KANSL1: variants seen among roughly 807,000 people sequenced by gnomAD.
KANSL1 encodes the protein MLL1/MLL complex subunit KANSL1.
In KANSL1, 22 loss-of-function variants were observed where a neutral mutation model predicts 103.6. The ratio of observed to expected loss-of-function variants is 0.21; its 90% confidence interval spans 0.15 to 0.30. The LOEUF (loss-of-function observed/expected upper bound fraction) is 0.30. Among genes scored for constraint, KANSL1 ranks in the 10% least tolerant of loss-of-function variants. KANSL1 has a pLI of 1.00. For synonymous variants in KANSL1, 600 were observed against 527.6 expected (o/e 1.14, Z -1.88); for missense variants, 1,337 against 1,399.8 (o/e 0.96, Z 0.72).
At chr17:46,172,394 T>C (rs899685507) in intron 1 of KANSL1, among the ~76,000 whole-genome samples, 162 bp from the exon 2 acceptor site, 3 of 152,136 alleles carry the variant, frequency 2.0e-5, no homozygotes, top group African/African-American at 7.2e-5. Context: ...CCAAATATCT[T>C]TCATCTGGGA....
intron 3 of KANSL1, among the ~76,000 whole-genome samples, chr17:46,092,087 G>A (rs1286138153): frequency 6.6e-6 from 1 of 152,088 alleles, no homozygotes; most frequent in Non-Finnish European, 1.5e-5. Context: ...CCCATGCCTC[G>A]GCCTCCCAAA....
intron 1 of KANSL1, among the ~76,000 whole-genome samples, chr17:46,177,455 T>C (rs1040209688): frequency 2.6e-5 from 4 of 152,210 alleles, no homozygotes; most frequent in Non-Finnish European, 5.9e-5. Context: ...GAAAACTGAA[T>C]GCCAAAAACT....
At chr17:46,165,153 A>T (rs2045931206) in intron 2 of KANSL1, among the ~76,000 whole-genome samples, 1 of 152,236 alleles carries the variant, frequency 6.6e-6, no homozygotes, top group South Asian at 2.1e-4. Flanking sequence ...AAAAATGACA[A>T]AGCAATTTGA....
intron 4 of KANSL1, among the ~76,000 whole-genome samples, chr17:46,068,601 C>T (rs1453318107): frequency 3.3e-5 from 5 of 152,032 alleles, no homozygotes; most frequent in Non-Finnish European, 7.4e-5. Context: ...CACACACACA[C>T]ATTTTTCCCT....
At chr17:46,039,543 G>GCATCCAAGACAAGCAGAAGCAGT (rs2077251239) in intron 8 of KANSL1, 159 bp downstream of exon 8, 1 of 773,102 alleles carries the variant, frequency 1.3e-6, no homozygotes, top group Non-Finnish European at 2.0e-6. Context: ...CCATCTGAGA[G>GCATCCAAGACAAGCAGAAGCAGT]CATCCAAGAC....
At chr17:46,055,226 A>G (rs62063687) in intron 6 of KANSL1, among the ~76,000 whole-genome samples, 21,761 of 151,734 alleles carry the variant, frequency 0.14, 2,130 homozygotes, top group Non-Finnish European at 0.22. Context: ...CACTTTGGGA[A>G]GCCAAGGCAG....
intron 2 of KANSL1, among the ~76,000 whole-genome samples, chr17:46,109,227 T>C (rs77635460): frequency 0.14 from 21,692 of 152,004 alleles, 2,119 homozygotes; most frequent in Non-Finnish European, 0.22. Context: ...GGATTACAGG[T>C]GTGAGCCACT....
chr17:46,222,677 T>C (rs977897759), intron 1 of KANSL1: 3 of 152,242 alleles, frequency 2.0e-5, no homozygotes, highest in African/African-American at 7.2e-5. Flanking sequence ...CACTGCACTA[T>C]TGTCTGATTT....
chr17:46,221,163 G>A (rs2048523418), intron 1 of KANSL1: 1 of 151,346 alleles, frequency 6.6e-6, no homozygotes. Flanking sequence ...ATTAAATTAT[G>A]TTTTAATTCT....
intron 4 of KANSL1, among the ~76,000 whole-genome samples, chr17:46,071,820 G>A (rs1226119307): frequency 6.6e-6 from 1 of 151,462 alleles, no homozygotes; most frequent in Admixed American, 6.6e-5. Flanking sequence ...TGAACTCAGG[G>A]TTTATGCATC....
chr17:46,186,773 G>A (rs1439923329), intron 1 of KANSL1, among the ~76,000 whole-genome samples: 1 of 152,218 alleles, frequency 6.6e-6, no homozygotes, highest in African/African-American at 2.4e-5. Flanking sequence ...CTGTCGCCCA[G>A]GCTGGAGTGC....
At chr17:46,064,619 G>A (rs1028754324) in intron 6 of KANSL1, among the ~76,000 whole-genome samples, 19 of 152,026 alleles carry the variant, frequency 1.2e-4, no homozygotes, top group Non-Finnish European at 2.2e-4. Context: ...AACTGACACA[G>A]ACAATCCCTC....
intron 2 of KANSL1, among the ~76,000 whole-genome samples, chr17:46,107,191 T>G (rs554315468): frequency 6.6e-5 from 10 of 152,362 alleles, no homozygotes; most frequent in Admixed American, 3.3e-4. Context: ...AGGGAAGCAC[T>G]GCAGCAACAG....
At chr17:46,129,159 G>C (rs925422889) in intron 2 of KANSL1, among the ~76,000 whole-genome samples, 1 of 152,162 alleles carries the variant, frequency 6.6e-6, no homozygotes, top group Non-Finnish European at 1.5e-5. Flanking sequence ...CAAGGGCCAT[G>C]TTTGTCCTAT....
intron 7 of KANSL1, among the ~76,000 whole-genome samples, chr17:46,048,693 G>C (rs1425659146): frequency 6.6e-6 from 1 of 152,168 alleles, no homozygotes; most frequent in African/African-American, 2.4e-5. Context: ...GATTATGAAA[G>C]CGCTGGCTTC....
chr17:46,151,600 A>G (rs1182237720), intron 2 of KANSL1, among the ~76,000 whole-genome samples: 2 of 152,214 alleles, frequency 1.3e-5, no homozygotes, highest in Non-Finnish European at 2.9e-5. Context: ...GAAAACTGTA[A>G]TATCTTATTG....
intron 2 of KANSL1, chr17:46,170,543 A>G: frequency 2.5e-6 from 1 of 393,164 alleles, no homozygotes. Context: ...TATAGTTTCA[A>G]AAGAAATCTA....
intron 6 of KANSL1, among the ~76,000 whole-genome samples, chr17:46,059,475 T>C (rs1181128619): frequency 1.3e-5 from 2 of 151,460 alleles, no homozygotes; most frequent in Non-Finnish European, 2.9e-5. Context: ...AAAAATTAGC[T>C]GGGCATGGTA....
At chr17:46,180,517 T>G (rs1273034885) in intron 1 of KANSL1, among the ~76,000 whole-genome samples, 1 of 151,480 alleles carries the variant, frequency 6.6e-6, no homozygotes, top group African/African-American at 2.4e-5. Flanking sequence ...AAATAAATAA[T>G]AAAAATAAAA....
Sources: allele counts gnomAD v4.1 joint callset (sites outside exome capture counted in the v4.1 genomes callset), GRCh38; gene constraint gnomAD v4.1.1; transcripts MANE v1.5; gene names NCBI Gene and HGNC (gene_info 2026-07-23, HGNC 2026-07-21).